The following PTPRN2 variants were observed in gnomAD, a reference collection of about 807,000 sequenced individuals.
PTPRN2 encodes receptor-type tyrosine-protein phosphatase N2.
A neutral mutation model predicts 118.8 loss-of-function variants in PTPRN2; 74 were observed. The observed-to-expected ratio is 0.62, with a 90% CI of 0.52 to 0.76. PTPRN2 has a LOEUF of 0.76. PTPRN2 is among the 30% of genes least tolerant of loss of function. PTPRN2 has a pLI of 0.00. For missense variants in PTPRN2, 1,481 were observed against 1,394.4 expected (o/e 1.06, Z -0.99); for synonymous variants, 641 against 608.0 (o/e 1.05, Z -0.80).
chr7:157,738,356 C>T (rs1228236472), intron 12 of PTPRN2, among the ~76,000 whole-genome samples: 2 of 152,080 alleles, frequency 1.3e-5, no homozygotes, highest in Admixed American at 6.5e-5. Flanking sequence ...CTGATACTGG[C>T]GTGAAGTTCA....
intron 1 of PTPRN2, among the ~76,000 whole-genome samples, chr7:158,554,907 C>T (rs1312659614): frequency 6.6e-6 from 1 of 152,146 alleles, no homozygotes; most frequent in Non-Finnish European, 1.5e-5. Flanking sequence ...GCACAGACAG[C>T]CGCCTCACCT....
At chr7:157,847,555 C>T (rs1407297616) in intron 12 of PTPRN2, among the ~76,000 whole-genome samples, 73 of 136,590 alleles carry the variant, frequency 5.3e-4, no homozygotes, top group African/African-American at 1.9e-3. Context: ...ATCATGCGTG[C>T]CCGATGTCTA....
chr7:157,725,774 GC>G (rs1253868110), intron 12 of PTPRN2, among the ~76,000 whole-genome samples: 16 of 102,298 alleles, frequency 1.6e-4, no homozygotes, highest in South Asian at 3.0e-4. Flanking sequence ...GCAGAGGACT[GC>G]GGCCAGACCC....
intron 12 of PTPRN2, among the ~76,000 whole-genome samples, chr7:157,802,735 A>G (rs59994880): frequency 0.15 from 22,833 of 152,092 alleles, 2,344 homozygotes; most frequent in African/African-American, 0.28. Context: ...TCACCAACAC[A>G]CGTCTTTTTG....
chr7:157,539,563 T>C lies in PTPRN2; in HGVS notation c.*1151A>G, dbSNP rs1266137378. 1.3e-5 allele frequency: 2 copies of C among 152,258 alleles called. No individual in the cohort carries two copies. Among genetic ancestry groups the C allele is most frequent in the East Asian group, 3.8e-4 (2 of 5,204 alleles). 9.4% of individuals were successfully genotyped at this position (152,258 alleles called of 1,614,324 possible). On this transcript the variant is annotated 3_prime_UTR_variant, in exon 23 of 23. Coordinates refer to ENST00000389418, the MANE Select transcript of PTPRN2 (RefSeq NM_002847.5). ...CAAATGTTATTTTGTCAAATCCGAA[T>C]CATCTCTACGTGCTTAGGTTTACAT... is the stretch of plus-strand genomic sequence containing the variant.
intron 12 of PTPRN2, among the ~76,000 whole-genome samples, chr7:157,790,008 T>TG: frequency 9.8e-6 from 1 of 101,948 alleles, no homozygotes; most frequent in South Asian, 4.6e-4. Context: ...GTGTGGTGTT[T>TG]GTGTGGTGTG....
chr7:158,269,554 C>A (rs1440187249), intron 3 of PTPRN2, among the ~76,000 whole-genome samples: 3 of 152,270 alleles, frequency 2.0e-5, no homozygotes, highest in Non-Finnish European at 4.4e-5. Flanking sequence ...ATTTTCAAAT[C>A]CAGTTTTCAA....
At chr7:158,114,703 G>A (rs747235617) in intron 9 of PTPRN2, among the ~76,000 whole-genome samples, 7 of 152,192 alleles carry the variant, frequency 4.6e-5, no homozygotes, top group Admixed American at 1.3e-4. Context: ...AGAAGCCACC[G>A]GCCACGGCCC....
intron 2 of PTPRN2, among the ~76,000 whole-genome samples, chr7:158,329,096 G>A (rs1447793875): frequency 1.3e-5 from 2 of 152,218 alleles, no homozygotes; most frequent in African/African-American, 2.4e-5. Context: ...AAATCCAGCG[G>A]CGCACAGCCC....
At chr7:158,035,985 C>T (rs1278762857) in intron 11 of PTPRN2, among the ~76,000 whole-genome samples, 1 of 152,112 alleles carries the variant, frequency 6.6e-6, no homozygotes, top group Non-Finnish European at 1.5e-5. Flanking sequence ...AAAATGATAG[C>T]CTGAGACTTA....
At chr7:158,374,542 G>A (rs1810349014) in intron 2 of PTPRN2, among the ~76,000 whole-genome samples, 1 of 152,116 alleles carries the variant, frequency 6.6e-6, no homozygotes, top group African/African-American at 2.4e-5. Flanking sequence ...TTTATTCATA[G>A]GCGCCAAAAA....
rs182277254 is a variant in PTPRN2, at chr7:158,144,317, C to A, written c.911-5802G>T. 3.3e-4 allele frequency among the ~76,000 whole-genome samples: 50 copies of A among 152,232 alleles called. 2 individuals are homozygous for A. Among genetic ancestry groups the A allele is most frequent in the Admixed American group, 2.7e-3 (42 of 15,278 alleles). ...TCAATTCAGAGTGGCTACAGTGTTG[C>A]CAGCAGGAAAATGCCAAAAGAAAGA... On this transcript the variant is annotated intron_variant, in intron 6 of 22. Coordinates refer to ENST00000389418, the MANE Select transcript of PTPRN2 (RefSeq NM_002847.5).
chr7:158,431,289 C>G (rs192729985), intron 2 of PTPRN2, among the ~76,000 whole-genome samples: 12 of 148,858 alleles, frequency 8.1e-5, no homozygotes, highest in Admixed American at 2.0e-4. Flanking sequence ...CTGGCTCAAA[C>G]TGGGCACACA....
chr7:157,544,554 G>A (rs1381657200), intron 22 of PTPRN2, among the ~76,000 whole-genome samples: 3 of 152,232 alleles, frequency 2.0e-5, no homozygotes, highest in Non-Finnish European at 2.9e-5. Flanking sequence ...AGGAGGGGGC[G>A]GGGCCTCCCG....
rs540693744 is a variant in PTPRN2 at position 158,565,170 on chromosome 7, G to A, written c.112+22388C>T. Among the ~76,000 whole-genome samples, 25 of 152,332 alleles carry A rather than the reference G, an allele frequency of 1.6e-4. No individual in the cohort carries two copies. The highest frequency in any genetic ancestry group is 8.3e-4 in the South Asian group (4 of 4,830). On this transcript the variant is annotated intron_variant, in intron 1 of 22. Transcript: ENST00000389418. This position sits in a 1 kb window ranked among gnomAD's most constrained non-coding sequence, Gnocchi z 4.6. ...GGTTCCCAGGAACATGACACAGTCC[G>A]TGCTACATCAGATCTGAGTATCAGG... is the stretch of plus-strand genomic sequence containing the variant.
At chr7:157,737,753 G>A (rs1451343716) in intron 12 of PTPRN2, among the ~76,000 whole-genome samples, 2 of 152,262 alleles carry the variant, frequency 1.3e-5, no homozygotes, top group African/African-American at 4.8e-5. Flanking sequence ...GTGGGTGCCG[G>A]CTGGGGCGCC....
At chr7:158,071,039 A>AG (rs1244979094) in intron 11 of PTPRN2, among the ~76,000 whole-genome samples, 1 of 16,120 alleles carries the variant, frequency 6.2e-5, no homozygotes, top group Non-Finnish European at 1.1e-4. Context: ...TGCTCTTAGT[A>AG]TGGAGGTGCT....
At position 157,812,518 on chromosome 7, in the gene PTPRN2, T is replaced by C. The variant is rs145586225; in HGVS notation, c.1788+86155A>G. 4.7e-3 allele frequency among the ~76,000 whole-genome samples: 722 copies of C among 152,312 alleles called. 15 individuals carry two copies. Among genetic ancestry groups the C allele is most frequent in the African/African-American group, 0.016 (659 of 41,546 alleles). On this transcript the variant is annotated intron_variant, in intron 12 of 22. Coordinates refer to ENST00000389418, the MANE Select transcript of PTPRN2 (RefSeq NM_002847.5). ...TCAACACTCCCTGTGCATAGGGTGC[T>C]AATGAGCTGCAAATTGAAATTATTT...
Position 157,615,824 on chromosome 7 carries a change from G to A in PTPRN2, c.2344+5538C>T, listed in dbSNP as rs551312047. 2.8e-4 allele frequency: 99 copies of A among 359,950 alleles called. No homozygotes were observed. In the East Asian group the frequency reaches 7.0e-3, roughly 26 times the overall value. 22.3% of individuals were successfully genotyped at this position (359,950 alleles called of 1,614,324 possible). A position where few individuals can be genotyped will look rare whatever the true frequency, so the allele number is the denominator to read the frequency against. On this transcript the variant is annotated intron_variant, in intron 15 of 22. Transcript: ENST00000389418. This position sits in a 1 kb window ranked among gnomAD's most constrained non-coding sequence, Gnocchi z 4.3. ...TAAACTTGACTGTCACCAACGGGGG[G>A]TGGGGGGTGCGCGAGGCCCTGGGCT...
Sources: allele counts gnomAD v4.1 joint callset (sites outside exome capture counted in the v4.1 genomes callset), GRCh38; gene constraint gnomAD v4.1.1; non-coding constraint Gnocchi (gnomAD v3.1); transcripts MANE v1.5; gene names NCBI Gene and HGNC (gene_info 2026-07-23, HGNC 2026-07-21).